The following PAK3 variants were observed in gnomAD, a reference collection of about 807,000 sequenced individuals.
The protein encoded by PAK3 is p21 (RAC1) activated kinase 3.
PAK3 carries 4 observed loss-of-function variants against 41.0 expected under a neutral mutation model. That is an observed-to-expected ratio of 0.10 (90% CI 0.05 to 0.22). The LOEUF (loss-of-function observed/expected upper bound fraction) is 0.22. PAK3 is among the 10% of genes least tolerant of loss of function. PAK3 has a pLI of 1.00. For synonymous variants in PAK3, 146 were observed against 139.6 expected (o/e 1.05, Z -0.32); for missense variants, 205 against 409.9 (o/e 0.50, Z 4.32).
intron 1 of PAK3, among the ~76,000 whole-genome samples, chrX:111,007,210 C>A (rs1034454448): frequency 3.6e-5 from 4 of 110,925 alleles, no homozygotes; most frequent in African/African-American, 6.6e-5. Flanking sequence ...GCCCCATCAT[C>A]TTGACCCCTT....
intron 1 of PAK3, among the ~76,000 whole-genome samples, chrX:111,016,605 G>A (rs1411301883): frequency 9.0e-6 from 1 of 111,048 alleles, no homozygotes; most frequent in Non-Finnish European, 1.9e-5. Context: ...ATTTCCAAGA[G>A]TAACCATTAA....
chrX:110,993,234 C>T (rs1447426193), intron 1 of PAK3, among the ~76,000 whole-genome samples: 2 of 111,794 alleles, frequency 1.8e-5, no homozygotes, highest in Admixed American at 9.5e-5. Context: ...TCAATTCAAG[C>T]CCCTTGATCT....
At chrX:111,080,574 A>T (rs1315516655) in intron 1 of PAK3, among the ~76,000 whole-genome samples, 2 of 112,174 alleles carry the variant, frequency 1.8e-5, no homozygotes, top group Non-Finnish European at 3.8e-5. Flanking sequence ...ATTTGCTTTA[A>T]TTGAAGTGGT....
chrX:110,954,301 CT>C (rs762604114), intron 1 of PAK3, among the ~76,000 whole-genome samples: 5 of 112,268 alleles, frequency 4.5e-5, no homozygotes, highest in Admixed American at 9.4e-5. Flanking sequence ...CATTTATTAA[CT>C]GTTTGTTGTG....
Position 111,099,613 on chromosome X carries a change from T to C in PAK3, c.-176+1929T>C, listed in dbSNP as rs192858500. ...TCTTTGAGGTTGGAGGGGGCTGAATTTGGAGAGTGAAGTTTTTTAGGGGCC... is the reference window on the plus strand; with the variant it reads ...TCTTTGAGGTTGGAGGGGGCTGAATCTGGAGAGTGAAGTTTTTTAGGGGCC... On this transcript the variant is annotated intron_variant, in intron 3 of 17. Coordinates refer to ENST00000372007, the MANE Select transcript of PAK3 (RefSeq NM_002578.5). 7.5e-5 allele frequency among the ~76,000 whole-genome samples: 8 copies of C among 106,920 alleles called. No homozygotes were observed. The Admixed American group carries it at 7.9e-4, about 11-fold the overall frequency. The allele number at this position is 106,920 out of a possible 115,157, so 92.8% of individuals were successfully genotyped here.
intron 1 of PAK3, among the ~76,000 whole-genome samples, chrX:111,080,504 A>G (rs1183801794): frequency 8.9e-6 from 1 of 112,549 alleles, no homozygotes; most frequent in Non-Finnish European, 1.9e-5. Context: ...GTATTATGCA[A>G]ATGTAACTTT....
intron 1 of PAK3, among the ~76,000 whole-genome samples, chrX:111,063,418 T>A (rs1019579805): frequency 9.1e-6 from 1 of 109,941 alleles, no homozygotes; most frequent in Non-Finnish European, 1.9e-5. Context: ...GCTCAGAGAG[T>A]GACAGGGAAG....
chrX:111,217,054 T>G, intron 17 of PAK3: 1 of 749,069 alleles, frequency 1.3e-6, no homozygotes, highest in Non-Finnish European at 1.6e-6. Context: ...TAACCATTTG[T>G]CCTTTTCACG....
rs1569413428 is a variant in PAK3, at chrX:111,152,428, A to G, written c.449A>G (p.Tyr150Cys). The G allele has an allele frequency of 1.7e-6, 2 of 1,179,286 alleles. No individual in the cohort carries two copies. The highest frequency in any genetic ancestry group is 1.2e-6 in the Non-Finnish European group (1 of 866,212). ...TTTGCAGATAAAAGTGCACATGGATACATAGCAGCCCATCCTTCGGTAAGT... is the reference window on the plus strand; with the variant it reads ...TTTGCAGATAAAAGTGCACATGGATGCATAGCAGCCCATCCTTCGGTAAGT... The part of the protein sequence containing the change: ...FTSGDKSAHG[Y>C]IAAHPSSTKT... Residue 150 changes from tyrosine to cysteine, a missense_variant, in exon 8 of 18, where the codon TAC becomes TGC. This residue lies in a region of PAK3 where 75 missense variants were observed against 91.9 expected (regional missense o/e 0.82). Transcript: ENST00000372007.
chrX:111,105,654 C>T (rs2093243468), intron 4 of PAK3, among the ~76,000 whole-genome samples: 2 of 111,648 alleles, frequency 1.8e-5, no homozygotes, highest in South Asian at 3.7e-4. Flanking sequence ...GCTAAAACAA[C>T]CTCCCTACTC....
At chrX:111,016,616 T>G (rs946205833) in intron 1 of PAK3, among the ~76,000 whole-genome samples, 22 of 110,973 alleles carry the variant, frequency 2.0e-4, no homozygotes, top group African/African-American at 5.6e-4. Flanking sequence ...TAACCATTAA[T>G]GCAGGTAGAG....
chrX:111,002,008 C>A (rs1405887808), intron 1 of PAK3, among the ~76,000 whole-genome samples: 1 of 110,697 alleles, frequency 9.0e-6, no homozygotes, highest in Non-Finnish European at 1.9e-5. Flanking sequence ...TAAGGTATTA[C>A]TATAATAATA....
chrX:110,978,601 G>A (rs191872131), intron 1 of PAK3, among the ~76,000 whole-genome samples: 1 of 111,016 alleles, frequency 9.0e-6, no homozygotes, highest in African/African-American at 3.3e-5. Context: ...ATTTTGTTAA[G>A]AATATTTGAA....
chrX:111,069,670 T>G (rs1479195390), intron 1 of PAK3, among the ~76,000 whole-genome samples: 1 of 109,747 alleles, frequency 9.1e-6, no homozygotes, highest in Non-Finnish European at 1.9e-5. Flanking sequence ...GGGGCCTCCT[T>G]TAGACTGCTT....
chrX:111,166,349 G>C (rs1417039080), intron 10 of PAK3, among the ~76,000 whole-genome samples: 6 of 111,696 alleles, frequency 5.4e-5, no homozygotes, highest in Non-Finnish European at 9.4e-5. Context: ...TGTTACCCAG[G>C]CTGGAGTACA....
intron 1 of PAK3, among the ~76,000 whole-genome samples, chrX:110,995,344 A>T (rs747875035): frequency 4.5e-5 from 5 of 111,235 alleles, no homozygotes; most frequent in Non-Finnish European, 9.4e-5. Context: ...ACATATTCCA[A>T]CCCCTGAGCC....
chrX:111,095,939 A>G (rs934430239), upstream of PAK3, among the ~76,000 whole-genome samples: 1 of 110,755 alleles, frequency 9.0e-6, no homozygotes, highest in African/African-American at 3.3e-5. Context: ...TGATGGCCCC[A>G]CCTCTGTCTA....
chrX:111,191,097 T>G (rs2094556593), intron 11 of PAK3, among the ~76,000 whole-genome samples: 1 of 111,875 alleles, frequency 8.9e-6, no homozygotes, highest in Non-Finnish European at 1.9e-5. Flanking sequence ...ATTATTAATT[T>G]TTTTGAGACA....
At chrX:111,039,339 C>T (rs1694521353) in intron 1 of PAK3, among the ~76,000 whole-genome samples, 1 of 112,226 alleles carries the variant, frequency 8.9e-6, no homozygotes, top group Non-Finnish European at 1.9e-5. Context: ...GACTTACAGT[C>T]TCCTCATTTG....
Sources: allele counts gnomAD v4.1 joint callset (sites outside exome capture counted in the v4.1 genomes callset), GRCh38; gene constraint gnomAD v4.1.1; regional missense constraint gnomAD v4.1.1; transcripts MANE v1.5; gene names NCBI Gene and HGNC (gene_info 2026-07-23, HGNC 2026-07-21).